Variants in STK11 observed in about 807,000 individuals in gnomAD.
STK11 encodes serine/threonine kinase 11.
In STK11, 8 loss-of-function variants were observed where a neutral mutation model predicts 47.3. The observed-to-expected ratio is 0.17, with a 90% CI of 0.10 to 0.31. The LOEUF (loss-of-function observed/expected upper bound fraction) is 0.31. Among genes scored for constraint, STK11 ranks in the 10% least tolerant of loss-of-function variants. The pLI is 1.00. For missense variants in STK11, 475 were observed against 605.0 expected (o/e 0.79, Z 2.25); for synonymous variants, 330 against 255.8 (o/e 1.29, Z -2.77).
At position 1,206,751 on chromosome 19, in the gene STK11, T is replaced by C; in HGVS notation, c.-163T>C. ...GGGACTGACGTGTAGAACAATCGTT[T>C]CTGTTGGAAGAAGGGTTTTTCCCTT... On this transcript the variant is annotated 5_prime_UTR_variant, in exon 1 of 10. Transcript: ENST00000326873. The C allele has an allele frequency of 1.0e-6, 1 of 956,380 alleles. No individual in the cohort carries two copies. The highest frequency in any genetic ancestry group is 1.7e-5 in the African/African-American group (1 of 60,488). The allele number at this position is 956,380 out of a possible 1,614,324, so 59.2% of individuals were successfully genotyped here. A position where few individuals can be genotyped will look rare whatever the true frequency, so the allele number is the denominator to read the frequency against.
chr19:1,226,163 C>T (rs1364777472), intron 8 of STK11: 2 of 1,267,408 alleles, frequency 1.6e-6, no homozygotes, highest in African/African-American at 1.6e-5. Context: ...TCGTGAGGTT[C>T]CTGCAGTCAG....
In STK11 at chr19:1,219,379, C is replaced by T. The variant is rs765194348; in HGVS notation, c.430C>T (p.Pro144Ser). Residue 144 changes from proline to serine, a missense_variant, in exon 3 of 10, where the codon CCG becomes TCG. Transcript: ENST00000326873. The part of the protein sequence containing the change: ...CGMQEMLDSV[P>S]EKRFPVCQAH... ...CATGCAGGAAATGCTGGACAGCGTG[C>T]CGGAGAAGCGTTTCCCAGTGTGCCA... 6.3e-7 allele frequency: 1 copy of T among 1,594,834 alleles called. No homozygotes were observed. The highest frequency in any genetic ancestry group is 8.5e-7 in the Non-Finnish European group (1 of 1,171,598).
chr19:1,226,731 C>G, intron 9 of STK11, 68 bp downstream of exon 9: 1 of 1,426,964 alleles, frequency 7.0e-7, no homozygotes, highest in Non-Finnish European at 9.2e-7. Context: ...CAGCCGTGAG[C>G]ATAGCCCGCG....
chr19:1,208,886 G>A (rs914165135), intron 1 of STK11, among the ~76,000 whole-genome samples: 9 of 151,352 alleles, frequency 5.9e-5, no homozygotes, highest in African/African-American at 1.9e-4. Context: ...CTCCCAAAGT[G>A]CTGGGATTAA....
intron 7 of STK11, 70 bp from the exon 8 acceptor site, chr19:1,222,915 G>A (rs2080795108): frequency 5.4e-6 from 8 of 1,470,256 alleles, no homozygotes; most frequent in African/African-American, 2.8e-5. Flanking sequence ...GGGCCCAGAG[G>A]AGCTGGGTCG....
At chr19:1,227,440 C>T in intron 9 of STK11, 153 bp from the exon 10 acceptor site, 2 of 782,102 alleles carry the variant, frequency 2.6e-6, no homozygotes, top group Non-Finnish European at 1.6e-6. Context: ...CCGGGAGTGA[C>T]TCAAGGGTGG....
chr19:1,226,570 C>G lies in STK11; in HGVS notation c.1225C>G (p.Arg409Gly), dbSNP rs368466538. ...QLSTKSRAEG[R>G]APNPARKACS... ...GAGCACCAAATCCAGGGCGGAGGGC[C>G]GGGCCCCCAACCCTGCCCGCAAGGC... Residue 409 changes from arginine (R) to glycine (G), a missense_variant, in exon 9 of 10, where the codon CGG becomes GGG. Arg to Gly is a moderately radical substitution (Grantham distance 125). Transcript: ENST00000326873. 7.6e-6 allele frequency: 12 copies of G among 1,588,088 alleles called. No homozygotes were observed. The highest frequency in any genetic ancestry group is 1.1e-5 in the South Asian group (1 of 87,488).
At chr19:1,220,544 C>T (rs779410398) in intron 4 of STK11, 37 bp from the exon 5 acceptor site, 1 of 1,578,370 alleles carries the variant, frequency 6.3e-7, no homozygotes, top group Admixed American at 1.8e-5. Flanking sequence ...GCGCCCCCTC[C>T]CGGGCACTCC....
chr19:1,220,883 C>G (rs2080778840), intron 5 of STK11, among the ~76,000 whole-genome samples, 166 bp downstream of exon 5: 2 of 152,250 alleles, frequency 1.3e-5, no homozygotes, highest in Admixed American at 1.3e-4. Context: ...ACTCATACGG[C>G]AGATGGTGGT....
At chr19:1,224,124 A>G in intron 8 of STK11, 1 of 990,016 alleles carries the variant, frequency 1.0e-6, no homozygotes, top group Non-Finnish European at 1.2e-6. Context: ...CCCTAGGCTC[A>G]GCTCAGTAGC....
chr19:1,211,463 G>C (rs1017011548), intron 1 of STK11, among the ~76,000 whole-genome samples: 14 of 144,422 alleles, frequency 9.7e-5, no homozygotes, highest in Admixed American at 6.1e-4. Context: ...GGGGTTCTGG[G>C]GGGGGGGGTG....
At position 1,206,693 on chromosome 19, in the gene STK11, C is replaced by T. The variant is rs879145077; in HGVS notation, c.-221C>T. On this transcript the variant is annotated 5_prime_UTR_variant, in exon 1 of 10. Transcript: ENST00000326873. ...CCCGGACCCCCGGTGCCCGCCGGTCCGCAGACCCTGCACCGGGCTTGGACT... is the reference window on the plus strand; with the variant it reads ...CCCGGACCCCCGGTGCCCGCCGGTCTGCAGACCCTGCACCGGGCTTGGACT... 5.6e-5 allele frequency: 35 copies of T among 630,020 alleles called. No individual in the cohort carries two copies. Among genetic ancestry groups the T allele is most frequent in the Non-Finnish European group, 3.9e-5 (15 of 386,208 alleles). The allele number at this position is 630,020 out of a possible 1,614,324, so 39.0% of individuals were successfully genotyped here.
At chr19:1,212,107 T>C (rs2080715259) in intron 1 of STK11, among the ~76,000 whole-genome samples, 1 of 151,918 alleles carries the variant, frequency 6.6e-6, no homozygotes, top group Admixed American at 6.6e-5. Flanking sequence ...GTGCACACAG[T>C]GGGCTTCCGG....
In STK11 at chr19:1,208,017, C is replaced by G. The variant is rs374599606; in HGVS notation, c.290+814C>G. 5.6e-4 allele frequency among the ~76,000 whole-genome samples: 85 copies of G among 152,356 alleles called. 2 individuals are homozygous for G. The East Asian group carries it at 0.015, about 27-fold the overall frequency. On this transcript the variant is annotated intron_variant, in intron 1 of 9. Transcript: ENST00000326873. ...GTCCCTGCCTTATCGCAGCCAGACA[C>G]GCTGCACCTGCCGCCGCCTGGCGGG...
intron 3 of STK11, chr19:1,220,055 T>C: frequency 6.0e-6 from 2 of 331,910 alleles, no homozygotes; most frequent in Non-Finnish European, 1.1e-5. Context: ...CCCTTGCTGC[T>C]GCAGGACCAC....
chr19:1,212,344 C>T (rs1241458316), intron 1 of STK11, among the ~76,000 whole-genome samples: 5 of 130,466 alleles, frequency 3.8e-5, no homozygotes, highest in Admixed American at 2.9e-4. Context: ...AGTGCAGTGG[C>T]GCAATCATAG....
chr19:1,224,083 T>A (rs1278180441), intron 8 of STK11: 2 of 995,722 alleles, frequency 2.0e-6, no homozygotes, highest in African/African-American at 3.5e-5. Flanking sequence ...CCCCATTAGG[T>A]CCCTCAGCAC....
intron 3 of STK11, chr19:1,220,019 C>G: frequency 3.7e-6 from 1 of 268,884 alleles, no homozygotes. Context: ...CTCCTGGATG[C>G]AGGTCTGTGG....
At chr19:1,217,353 C>A (rs1795633451) in intron 1 of STK11, among the ~76,000 whole-genome samples, 1 of 152,188 alleles carries the variant, frequency 6.6e-6, no homozygotes, top group South Asian at 2.1e-4. Flanking sequence ...GCACGTACCT[C>A]CACACCTGGC....
Sources: allele counts gnomAD v4.1 joint callset (sites outside exome capture counted in the v4.1 genomes callset), GRCh38; gene constraint gnomAD v4.1.1; transcripts MANE v1.5; gene names NCBI Gene and HGNC (gene_info 2026-07-23, HGNC 2026-07-21).